The following ADGRL2 variants were observed in gnomAD, a reference collection of about 807,000 sequenced individuals.
ADGRL2 encodes the protein calcium-independent alpha-latrotoxin receptor 2.
In ADGRL2, 44 loss-of-function variants were observed where a neutral mutation model predicts 157.4. The ratio of observed to expected loss-of-function variants is 0.28; its 90% CI spans 0.22 to 0.36. ADGRL2 has a LOEUF of 0.36. Among genes scored for constraint, ADGRL2 ranks in the 10% least tolerant of loss-of-function variants. The pLI, the probability that ADGRL2 is intolerant of heterozygous loss-of-function variation, is 1.00. For synonymous variants in ADGRL2, 585 were observed against 624.7 expected, an observed-to-expected ratio of 0.94 and a Z score of 0.95; for missense variants, 1,510 against 1,768.9, an observed-to-expected ratio of 0.85 and a Z score of 2.63.
At chr1:81,361,195 G>T (rs1191248193) in intron 1 of ADGRL2, among the ~76,000 whole-genome samples, 2 of 151,894 alleles carry the variant, frequency 1.3e-5, no homozygotes, top group African/African-American at 4.8e-5. Flanking sequence ...CTCACAGTAT[G>T]TATTATTCCC....
intron 3 of ADGRL2, among the ~76,000 whole-genome samples, chr1:81,908,878 CTTTTT>C (rs35920325): frequency 7.1e-6 from 1 of 141,374 alleles, no homozygotes; most frequent in African/African-American, 2.6e-5. Flanking sequence ...TTTTTTCTTT[CTTTTT>C]TTTTTTTTTA....
At chr1:81,589,803 T>C (rs6605235) in intron 3 of ADGRL2, among the ~76,000 whole-genome samples, 45,263 of 152,094 alleles carry the variant, frequency 0.3, 6,956 homozygotes, top group Admixed American at 0.37. Context: ...ACTTTGATAG[T>C]ACAATAGTTG....
At chr1:81,311,365 A>T (rs1433136665) in intron 1 of ADGRL2, among the ~76,000 whole-genome samples, 1 of 152,128 alleles carries the variant, frequency 6.6e-6, no homozygotes, top group Non-Finnish European at 1.5e-5. Context: ...CAATGCCTGC[A>T]GTTTATATCA....
At chr1:81,918,574 A>G (rs1031311976) in intron 3 of ADGRL2, among the ~76,000 whole-genome samples, 62 of 152,182 alleles carry the variant, frequency 4.1e-4, no homozygotes, top group African/African-American at 1.4e-3. Context: ...AATAGAATTT[A>G]TCAGAATGCC....
chr1:81,467,210 C>T (rs1447361960), intron 2 of ADGRL2, among the ~76,000 whole-genome samples: 8 of 152,058 alleles, frequency 5.3e-5, no homozygotes, highest in East Asian at 1.9e-4. Flanking sequence ...TAAATGCAGC[C>T]GTGGCTTTGA....
chr1:81,948,354 C>A (rs986213786), intron 6 of ADGRL2, among the ~76,000 whole-genome samples: 6 of 151,638 alleles, frequency 4.0e-5, no homozygotes, highest in Non-Finnish European at 5.9e-5. Context: ...TACCTTGACT[C>A]GGTTATTATG....
chr1:81,523,228 A>G (rs1179242487), intron 2 of ADGRL2, among the ~76,000 whole-genome samples: 2 of 152,162 alleles, frequency 1.3e-5, no homozygotes, highest in Non-Finnish European at 1.5e-5. Flanking sequence ...TGTCATACTA[A>G]TATAAAACGT....
rs530939061 is a variant in ADGRL2, at chr1:81,480,020, C to A, written c.-248+34931C>A. On this transcript the variant is annotated intron_variant, in intron 2 of 24. Transcript: ENST00000370721. Reference sequence around the variant, plus strand: ...GTAGGTAAGGAAACTTAATTTCAGACAAATTAAGTCATGGGCTGGTGTCAC... The same window carrying A: ...GTAGGTAAGGAAACTTAATTTCAGAAAAATTAAGTCATGGGCTGGTGTCAC... Among the ~76,000 whole-genome samples, 5 of 152,148 alleles carry A rather than the reference C, an allele frequency of 3.3e-5. No individual in the cohort carries two copies. In the South Asian group the frequency reaches 6.2e-4, roughly 19 times the overall value.
intron 11 of ADGRL2, 34 bp from the exon 12 acceptor site, chr1:81,966,024 T>C (rs867670607): frequency 6.2e-7 from 1 of 1,608,134 alleles, no homozygotes; most frequent in Middle Eastern, 1.7e-4. Context: ...AGAATCCTTT[T>C]TTCCCCACCT....
At chr1:81,932,721 T>C (rs2095251453) in intron 3 of ADGRL2, among the ~76,000 whole-genome samples, 1 of 152,084 alleles carries the variant, frequency 6.6e-6, no homozygotes, top group African/African-American at 2.4e-5. Flanking sequence ...TTGACGGAGT[T>C]TCACTCTTGT....
chr1:81,405,324 T>G (rs1270807777), intron 1 of ADGRL2, among the ~76,000 whole-genome samples: 1 of 152,192 alleles, frequency 6.6e-6, no homozygotes, highest in African/African-American at 2.4e-5. Flanking sequence ...TAGAATTGGA[T>G]GTACTGCCAC....
At chr1:81,315,371 T>C (rs1660035157) in intron 1 of ADGRL2, among the ~76,000 whole-genome samples, 1 of 152,128 alleles carries the variant, frequency 6.6e-6, no homozygotes, top group Non-Finnish European at 1.5e-5. Context: ...TTTCCCAATG[T>C]TTAACTTGTT....
intron 17 of ADGRL2, 89 bp from the exon 18 acceptor site, chr1:81,979,780 C>A: frequency 1.4e-6 from 1 of 734,382 alleles, no homozygotes; most frequent in Non-Finnish European, 2.4e-6. Context: ...CAGTATCTTC[C>A]ATATAAACAT....
chr1:81,467,181 C>A (rs2078074699), intron 2 of ADGRL2, among the ~76,000 whole-genome samples: 1 of 152,088 alleles, frequency 6.6e-6, no homozygotes, highest in African/African-American at 2.4e-5. Flanking sequence ...ATATACACAT[C>A]ATAACTGCTT....
At chr1:81,316,217 C>T (rs543883723) in intron 1 of ADGRL2, among the ~76,000 whole-genome samples, 8 of 151,672 alleles carry the variant, frequency 5.3e-5, no homozygotes. Flanking sequence ...GAAAATCAAA[C>T]ACTTTTAAAG....
chr1:81,653,627 GA>G (rs1440989538), intron 3 of ADGRL2, among the ~76,000 whole-genome samples: 1 of 152,160 alleles, frequency 6.6e-6, no homozygotes, highest in South Asian at 2.1e-4. Context: ...GGGGCATAGG[GA>G]AAAAAATATA....
chr1:81,802,795 G>A (rs998951692), intron 1 of ADGRL2, among the ~76,000 whole-genome samples: 1 of 152,160 alleles, frequency 6.6e-6, no homozygotes, highest in Admixed American at 6.5e-5. Context: ...GGACGGTGGG[G>A]GAGGGCTTGG....
chr1:81,849,195 T>G (rs1280421203), intron 2 of ADGRL2, among the ~76,000 whole-genome samples: 6 of 151,954 alleles, frequency 3.9e-5, no homozygotes, highest in Non-Finnish European at 8.8e-5. Context: ...TAGCACTGAT[T>G]GAGTGGAAAA....
intron 2 of ADGRL2, among the ~76,000 whole-genome samples, chr1:81,898,336 G>GA: frequency 6.6e-6 from 1 of 152,210 alleles, no homozygotes; most frequent in South Asian, 2.1e-4. Context: ...GCTTATTCTG[G>GA]AAAATGACAT....
Sources: allele counts gnomAD v4.1 joint callset (sites outside exome capture counted in the v4.1 genomes callset), GRCh38; gene constraint gnomAD v4.1.1; transcripts MANE v1.5; gene names NCBI Gene and HGNC (gene_info 2026-07-23, HGNC 2026-07-21).